RB1CC1: variants seen among roughly 807,000 people sequenced by gnomAD.
RB1CC1 encodes RB1 inducible coiled-coil 1.
Under a neutral mutation model 177.5 loss-of-function variants are expected in RB1CC1, and 46 were observed. The observed-to-expected ratio is 0.26, with a 90% CI of 0.20 to 0.33. The LOEUF is 0.33. Ranked by LOEUF, RB1CC1 falls within the 10% of genes least tolerant of loss-of-function variation. RB1CC1 has a pLI of 1.00. For missense variants in RB1CC1, 1,703 were observed against 1,816.3 expected, an observed-to-expected ratio of 0.94 and a Z score of 1.13; for synonymous variants, 666 against 613.6, an observed-to-expected ratio of 1.09 and a Z score of -1.26.
intron 19 of RB1CC1, among the ~76,000 whole-genome samples, 187 bp downstream of exon 19, chr8:52,635,828 A>C (rs904334599): frequency 4.6e-5 from 7 of 152,120 alleles, no homozygotes; most frequent in Admixed American, 3.3e-4. Context: ...AAATACTGTC[A>C]ACTGTTTAGC....
At chr8:52,637,107 AACATAAC>A (rs1340921254) in intron 18 of RB1CC1, among the ~76,000 whole-genome samples, 1 of 152,180 alleles carries the variant, frequency 6.6e-6, no homozygotes, top group Non-Finnish European at 1.5e-5. Flanking sequence ...CCTTTTCTGC[AACATAAC>A]ACAGTTCAGA....
chr8:52,626,271 G>T (rs1848383323), intron 22 of RB1CC1, among the ~76,000 whole-genome samples: 1 of 152,178 alleles, frequency 6.6e-6, no homozygotes. Context: ...AAGTAAGACT[G>T]CTAAATAAAT....
chr8:52,691,118 A>G (rs1854814649), intron 1 of RB1CC1, among the ~76,000 whole-genome samples: 1 of 152,218 alleles, frequency 6.6e-6, no homozygotes, highest in Admixed American at 6.5e-5. Flanking sequence ...CAGGATCATC[A>G]TATTGCTTTT....
intron 18 of RB1CC1, among the ~76,000 whole-genome samples, chr8:52,637,432 G>A (rs984883083): frequency 2.6e-4 from 40 of 152,042 alleles, no homozygotes; most frequent in African/African-American, 7.7e-4. Context: ...CAAACCCCTA[G>A]GCTCAAGGGA....
Position 52,674,294 on chromosome 8 carries a change from G to A in RB1CC1, c.573-20C>T. 1 of 1,556,868 alleles carries A rather than the reference G, an allele frequency of 6.4e-7. No homozygotes were observed. ...CCTAAACTTAAAATACAAAAGATCT[G>A]TCAGTAAAACTATGAGACTGCTCTA... On this transcript the variant is annotated intron_variant, in intron 6 of 23. Transcript: ENST00000025008.
Position 52,657,393 on chromosome 8 carries a change from T to C in RB1CC1, c.2436A>G (p.Ile812Met). 6.2e-7 allele frequency: 1 copy of C among 1,614,056 alleles called. No homozygotes were observed. Among genetic ancestry groups the C allele is most frequent in the Non-Finnish European group, 8.5e-7 (1 of 1,180,000 alleles). The change falls in exon 15 of 24, where the codon ATA becomes ATG. Residue 812 changes from isoleucine to methionine, a missense_variant. Coordinates refer to ENST00000025008, the MANE Select transcript of RB1CC1 (RefSeq NM_014781.5). ...GGCAAAGGTCTTCCTTAATGGTTTG[T>C]ATACTGAAGTGAGAGTCTTGGGCAA... ...RVVAQDSHFS[I>M]QTIKEDLCHF...
chr8:52,652,037 C>A (rs946192253), intron 15 of RB1CC1, among the ~76,000 whole-genome samples: 1 of 152,110 alleles, frequency 6.6e-6, no homozygotes, highest in African/African-American at 2.4e-5. Context: ...TTAAATATTC[C>A]TTTCCTTTTC....
intron 20 of RB1CC1, 61 bp from the exon 21 acceptor site, chr8:52,630,589 G>A: frequency 4.0e-6 from 6 of 1,493,498 alleles, no homozygotes; most frequent in Non-Finnish European, 5.3e-6. Flanking sequence ...CATTCTTACT[G>A]CAAAAATTTC....
chr8:52,674,076 T>G lies in RB1CC1; in HGVS notation c.771A>C (p.Ser257=), dbSNP rs753081976. The G allele has an allele frequency of 8.1e-6, 13 of 1,614,100 alleles. No individual in the cohort carries two copies. Among genetic ancestry groups the G allele is most frequent in the Non-Finnish European group, 1.1e-5 (13 of 1,179,978 alleles). Reference sequence around the variant, plus strand: ...ACACATGTTCCACTGACTTGGGAAATGAGGTTAACAAAGATTCGTTAGTTG... The same window carrying G: ...ACACATGTTCCACTGACTTGGGAAAGGAGGTTAACAAAGATTCGTTAGTTG... The part of the protein sequence containing the change: ...PRTTNESLLT[S]FPKSVEHVSP... Residue 257 remains serine (S), a synonymous_variant, in exon 7 of 24, where the codon TCA becomes TCC. Transcript: ENST00000025008.
intron 7 of RB1CC1, among the ~76,000 whole-genome samples, chr8:52,669,272 C>CTTTCAAGCCTCTCATCT: frequency 6.6e-6 from 1 of 152,232 alleles, no homozygotes; most frequent in South Asian, 2.1e-4. Flanking sequence ...AGAAAAAAAT[C>CTTTCAAGCCTCTCATCT]TTTCAAGCCT....
chr8:52,674,776 A>C (rs1236101595), intron 6 of RB1CC1, among the ~76,000 whole-genome samples: 1 of 152,156 alleles, frequency 6.6e-6, no homozygotes, highest in African/African-American at 2.4e-5. Flanking sequence ...GTCTCAAAAA[A>C]AAAAAAAAAA....
chr8:52,648,769 T>C (rs1327656952), intron 15 of RB1CC1, among the ~76,000 whole-genome samples: 1 of 152,238 alleles, frequency 6.6e-6, no homozygotes, highest in African/African-American at 2.4e-5. Flanking sequence ...TGGGTCTTAC[T>C]GTAGATCTTT....
At position 52,673,759 on chromosome 8, in the gene RB1CC1, C is replaced by T. The variant is rs1030908677; in HGVS notation, c.1002+86G>A. ...CATTTATTTCTACTAAAAGGTAATA[C>T]CCATTCTCTCAGTACATAAAATATT... is the stretch of plus-strand genomic sequence containing the variant. On this transcript the variant is annotated intron_variant, in intron 7 of 23. Coordinates refer to ENST00000025008, the MANE Select transcript of RB1CC1 (RefSeq NM_014781.5). The T allele has an allele frequency of 8.9e-6, 11 of 1,240,940 alleles. No homozygotes were observed. In the African/African-American group the frequency reaches 1.7e-4, roughly 19 times the overall value. The allele number at this position is 1,240,940 out of a possible 1,614,324, so 76.9% of individuals were successfully genotyped here.
chr8:52,686,898 T>C lies in RB1CC1; in HGVS notation c.-97A>G, dbSNP rs1396633903. 2.2e-6 allele frequency: 1 copy of C among 456,472 alleles called. No homozygotes were observed. The highest frequency in any genetic ancestry group is 4.4e-6 in the Non-Finnish European group (1 of 226,936). 28.3% of individuals were successfully genotyped at this position (456,472 alleles called of 1,614,324 possible). A position where few individuals can be genotyped will look rare whatever the true frequency, so the allele number is the denominator to read the frequency against. On this transcript the variant is annotated 5_prime_UTR_variant, in exon 2 of 24. The change abolishes the stop of an existing upstream ORF in the 5' untranslated region. Transcript: ENST00000025008. ...ACTACCACTTTTCTTAAAAAGTAGA[T>C]TAAAACTGGCTTATGTTTGCTTTGC...
At chr8:52,634,626 G>C (rs1043831759) in intron 20 of RB1CC1, among the ~76,000 whole-genome samples, 3 of 152,228 alleles carry the variant, frequency 2.0e-5, no homozygotes, top group South Asian at 4.2e-4. Flanking sequence ...AACTGATTTT[G>C]ATGATTTTAA....
At chr8:52,681,678 C>G (rs1853733448) in intron 5 of RB1CC1, among the ~76,000 whole-genome samples, 2 of 152,164 alleles carry the variant, frequency 1.3e-5, no homozygotes, top group Non-Finnish European at 2.9e-5. Flanking sequence ...CGCCTATAAT[C>G]CCAGCACTTA....
chr8:52,655,626 C>T (rs1851022815), intron 15 of RB1CC1, among the ~76,000 whole-genome samples: 1 of 151,728 alleles, frequency 6.6e-6, no homozygotes, highest in South Asian at 2.1e-4. Flanking sequence ...AAATTTTAGT[C>T]TTTAATATAT....
At chr8:52,654,200 C>T (rs1850879722) in intron 15 of RB1CC1, among the ~76,000 whole-genome samples, 1 of 152,182 alleles carries the variant, frequency 6.6e-6, no homozygotes, top group Non-Finnish European at 1.5e-5. Context: ...AGACATTTAT[C>T]TGTCTAAATG....
chr8:52,635,042 G>C, intron 19 of RB1CC1, 74 bp from the exon 20 acceptor site: 1 of 1,334,590 alleles, frequency 7.5e-7, no homozygotes, highest in African/African-American at 1.5e-5. Context: ...GATTGTCAAA[G>C]TTTTCATCAG....
Sources: gnomAD v4.1 joint callset for allele counts (sites outside exome capture counted in the v4.1 genomes callset) on GRCh38, gnomAD v4.1.1 for gene constraint, MANE v1.5 for transcripts, NCBI Gene and HGNC (gene_info 2026-07-23, HGNC 2026-07-21) for gene names.